Variants in DCAF17 observed in about 807,000 individuals in gnomAD.
DCAF17 encodes DDB1 and CUL4 associated factor 17, also known as DDB1- and CUL4-associated factor 17.
In DCAF17, 48 loss-of-function variants were observed where a neutral mutation model predicts 66.0. The observed-to-expected ratio is 0.73, with a 90% confidence interval of 0.58 to 0.92. DCAF17 has a LOEUF of 0.92. DCAF17 is among the 40% of genes least tolerant of loss of function. DCAF17 has a pLI of 0.00. For missense variants in DCAF17, 562 were observed against 622.8 expected (o/e 0.90, Z 1.04); for synonymous variants, 206 against 214.6 (o/e 0.96, Z 0.35).
At chr2:171,460,919 A>G (rs1031277010) in intron 8 of DCAF17, among the ~76,000 whole-genome samples, 2 of 152,108 alleles carry the variant, frequency 1.3e-5, no homozygotes, top group African/African-American at 4.8e-5. Flanking sequence ...GATCTATGAA[A>G]TCATTTGTCA....
intron 9 of DCAF17, among the ~76,000 whole-genome samples, chr2:171,471,529 T>C (rs1696243826): frequency 6.6e-6 from 1 of 152,234 alleles, no homozygotes; most frequent in African/African-American, 2.4e-5. Context: ...CTGGAGCTAA[T>C]ACCATCATGG....
intron 3 of DCAF17, among the ~76,000 whole-genome samples, chr2:171,446,659 G>C (rs1218814242): frequency 6.6e-6 from 1 of 152,078 alleles, no homozygotes; most frequent in African/African-American, 2.4e-5. Context: ...AATATCTCAG[G>C]GTTCTTTTTA....
intron 5 of DCAF17, among the ~76,000 whole-genome samples, chr2:171,452,298 A>G (rs1366420029): frequency 6.6e-6 from 1 of 152,012 alleles, no homozygotes; most frequent in Non-Finnish European, 1.5e-5. Context: ...TGTATTGGAG[A>G]AGTACAAGAG....
intron 12 of DCAF17, 75 bp from the exon 13 acceptor site, chr2:171,479,956 TTAAACTA>T: frequency 1.3e-6 from 2 of 1,497,496 alleles, no homozygotes; most frequent in Non-Finnish European, 1.8e-6. Flanking sequence ...AATAGAATAC[TTAAACTA>T]TAAATACAGA....
In DCAF17 at chr2:171,449,882, C is replaced by G. The variant is rs1269504129; in HGVS notation, c.462C>G (p.Tyr154Ter). 1 of 1,612,616 alleles carries G rather than the reference C, an allele frequency of 6.2e-7. No homozygotes were observed. The highest frequency in any genetic ancestry group is 1.7e-5 in the Admixed American group (1 of 59,966). ...IYLAPYCKFR[Y>*]LSWDTPQEVI... Reference sequence around the variant, plus strand: ...CTTCTCTTCATTCTTTTAAAAGATACTTGAGCTGGGACACTCCTCAAGAAG... The same window carrying G: ...CTTCTCTTCATTCTTTTAAAAGATAGTTGAGCTGGGACACTCCTCAAGAAG... The change falls in exon 5 of 14, where the codon TAC becomes TAG. Residue 154 changes from tyrosine to a stop codon, truncating the protein, a stop_gained. Coordinates refer to ENST00000375255, the MANE Select transcript of DCAF17 (RefSeq NM_025000.4). LOFTEE classifies it high-confidence loss of function.
At chr2:171,447,904 C>A (rs1417981128) in intron 3 of DCAF17, among the ~76,000 whole-genome samples, 1 of 152,246 alleles carries the variant, frequency 6.6e-6, no homozygotes, top group Non-Finnish European at 1.5e-5. Flanking sequence ...ATGCAGCTAT[C>A]CTCTCCCTTT....
rs971856893 is a variant in DCAF17 at position 171,482,917 on chromosome 2, C to T, written c.*1803C>T. The T allele has an allele frequency of 8.8e-6, 4 of 453,900 alleles. No homozygotes were observed. The highest frequency in any genetic ancestry group is 8.0e-5 in the African/African-American group (4 of 49,974). The allele number at this position is 453,900 out of a possible 1,614,324, so 28.1% of individuals were successfully genotyped here. On this transcript the variant is annotated 3_prime_UTR_variant, in exon 14 of 14. Coordinates refer to ENST00000375255, the MANE Select transcript of DCAF17 (RefSeq NM_025000.4). ...ACCAGGGTCCAAATGCCATCCAGGCCAGGCAGGAAATATACCTCATGTGAA... is the reference window on the plus strand; with the variant it reads ...ACCAGGGTCCAAATGCCATCCAGGCTAGGCAGGAAATATACCTCATGTGAA...
rs587780328 is a variant in DCAF17, at chr2:171,477,981, T to C, written c.1183-6T>C. 7.8e-5 allele frequency: 126 copies of C among 1,609,046 alleles called. No individual in the cohort carries two copies. The highest frequency in any genetic ancestry group is 1.1e-4 in the Non-Finnish European group (124 of 1,175,574). ...TCATATCTTTTTATTTCTTTCCATA[T>C]GATAGAATGAAAATGTACTCACTGT... is the stretch of plus-strand genomic sequence containing the variant. On this transcript the variant is annotated splice_polypyrimidine_tract_variant and splice_region_variant and intron_variant, in intron 11 of 13. Coordinates refer to ENST00000375255, the MANE Select transcript of DCAF17 (RefSeq NM_025000.4).
In DCAF17 at chr2:171,434,550, G is replaced by A. The variant is rs539743471; in HGVS notation, c.-28G>A. On this transcript the variant is annotated 5_prime_UTR_variant, in exon 1 of 14. Transcript: ENST00000375255. ...GTGGGGCGCGCCACTCGGCGGCCCAGCCTACCCAGGGCCCGGCCCGCGCCT... is the reference window on the plus strand; with the variant it reads ...GTGGGGCGCGCCACTCGGCGGCCCAACCTACCCAGGGCCCGGCCCGCGCCT... 112 of 1,524,794 alleles carry A rather than the reference G, an allele frequency of 7.3e-5. No homozygotes were observed. In the South Asian group the frequency reaches 1.3e-3, roughly 17 times the overall value. 94.5% of individuals were successfully genotyped at this position (1,524,794 alleles called of 1,614,324 possible).
chr2:171,480,539 A>G (rs1329810616), intron 13 of DCAF17, among the ~76,000 whole-genome samples: 2 of 152,210 alleles, frequency 1.3e-5, no homozygotes, highest in Non-Finnish European at 2.9e-5. Context: ...ACTAGAGACC[A>G]TATCTAAGCA....
chr2:171,479,191 A>G (rs1242825534), intron 12 of DCAF17, among the ~76,000 whole-genome samples: 1 of 152,202 alleles, frequency 6.6e-6, no homozygotes, highest in African/African-American at 2.4e-5. Context: ...AAAGGCAGAA[A>G]ATGTCAGTGG....
At chr2:171,448,898 C>T (rs1694792933) in intron 4 of DCAF17, 81 bp downstream of exon 4, 1 of 1,330,626 alleles carries the variant, frequency 7.5e-7, no homozygotes, top group African/African-American at 1.5e-5. Context: ...AGCCTTTTTT[C>T]CCTGTCAGTT....
chr2:171,476,975 C>G (rs1201062645), intron 11 of DCAF17, 25 bp downstream of exon 11: 1 of 1,515,592 alleles, frequency 6.6e-7, no homozygotes, highest in African/African-American at 1.4e-5. Flanking sequence ...CTTTAAAATC[C>G]TTTATATATC....
intron 2 of DCAF17, among the ~76,000 whole-genome samples, chr2:171,435,703 C>G (rs1693861275): frequency 6.6e-6 from 1 of 152,136 alleles, no homozygotes; most frequent in African/African-American, 2.4e-5. Flanking sequence ...GATTCAAAAA[C>G]TATCAAGATT....
Position 171,448,354 on chromosome 2 carries a change from A to T in DCAF17, c.322-327A>T, listed in dbSNP as rs562823924. 2.6e-5 allele frequency among the ~76,000 whole-genome samples: 4 copies of T among 152,310 alleles called. No homozygotes were observed. The East Asian group carries it at 7.7e-4, about 29-fold the overall frequency. The stretch of plus-strand genomic sequence containing the variant: ...GATTTTAAGAGCTGTTATTGTTGTT[A>T]TTGTTATCACAGAGGTAGCATCATT... On this transcript the variant is annotated intron_variant, in intron 3 of 13. Coordinates refer to ENST00000375255, the MANE Select transcript of DCAF17 (RefSeq NM_025000.4).
At chr2:171,464,383 TCAC>T (rs1695768422) in intron 8 of DCAF17, among the ~76,000 whole-genome samples, 1 of 152,166 alleles carries the variant, frequency 6.6e-6, no homozygotes, top group African/African-American at 2.4e-5. Context: ...TGGTGGTTGT[TCAC>T]AATCTTTGGT....
intron 8 of DCAF17, among the ~76,000 whole-genome samples, chr2:171,467,557 C>T (rs1695977270): frequency 6.6e-6 from 1 of 151,918 alleles, no homozygotes; most frequent in Middle Eastern, 3.4e-3. Flanking sequence ...AGTGTGGTGG[C>T]ATACACCCGT....
At chr2:171,475,655 C>T (rs1290376198) in intron 10 of DCAF17, among the ~76,000 whole-genome samples, 1 of 152,134 alleles carries the variant, frequency 6.6e-6, no homozygotes, top group Non-Finnish European at 1.5e-5. Flanking sequence ...CTTAGCTCCT[C>T]AGGAGTCTGG....
intron 3 of DCAF17, among the ~76,000 whole-genome samples, chr2:171,445,846 C>A (rs1694589408): frequency 6.6e-6 from 1 of 152,072 alleles, no homozygotes; most frequent in Non-Finnish European, 1.5e-5. Flanking sequence ...ACAAACCCAG[C>A]TAATTTTTGT....
Sources: allele counts gnomAD v4.1 joint callset (sites outside exome capture counted in the v4.1 genomes callset), GRCh38; gene constraint gnomAD v4.1.1; transcripts MANE v1.5; gene names NCBI Gene and HGNC (gene_info 2026-07-23, HGNC 2026-07-21).